Variants in TNFRSF14 observed in about 807,000 individuals in gnomAD.
TNFRSF14 encodes TNF receptor superfamily member 14.
In TNFRSF14, 18 loss-of-function variants were observed where a neutral mutation model predicts 34.1. That is an observed-to-expected ratio of 0.53 (90% CI 0.36 to 0.78). The LOEUF is 0.78. Among genes scored for constraint, TNFRSF14 ranks in the 30% least tolerant of loss-of-function variants. TNFRSF14 has a pLI of 0.00. For missense variants in TNFRSF14, 352 were observed against 379.5 expected, an observed-to-expected ratio of 0.93 and a Z score of 0.60; for synonymous variants, 157 against 153.2, an observed-to-expected ratio of 1.02 and a Z score of -0.18.
chr1:2,559,506 G>A, intron 3 of TNFRSF14: 1 of 1,478,800 alleles, frequency 6.8e-7, no homozygotes, highest in Non-Finnish European at 9.0e-7. Flanking sequence ...CTGCCTGCGG[G>A]ACCCTGCCCT....
rs1644315335 is a variant in TNFRSF14, at chr1:2,561,882, C to T, written c.694+67C>T. 5 of 1,530,730 alleles carry T rather than the reference C, an allele frequency of 3.3e-6. No homozygotes were observed. The African/African-American group carries it at 4.1e-5, about 13-fold the overall frequency. 94.8% of individuals were successfully genotyped at this position (1,530,730 alleles called of 1,614,324 possible). ...GTCACCTCTTGGAGCTCTGTCACCC[C>T]AAGCCTGGGAGGTGGCCCCAGAGCT... is the stretch of plus-strand genomic sequence containing the variant. On this transcript the variant is annotated intron_variant, in intron 6 of 7. Transcript: ENST00000355716. The surrounding 1 kb of genome is among the most constrained non-coding windows in gnomAD (Gnocchi z 6.0).
intron 3 of TNFRSF14, 35 bp downstream of exon 3, chr1:2,558,503 T>C (rs748399196): frequency 6.9e-5 from 111 of 1,610,614 alleles, no homozygotes; most frequent in Non-Finnish European, 8.5e-5. Context: ...AGCCTCCGCT[T>C]GGGCAGCCTG....
At position 2,563,601 on chromosome 1, in the gene TNFRSF14, C is replaced by A. The variant is rs1644344140; in HGVS notation, c.*328C>A. On this transcript the variant is annotated 3_prime_UTR_variant, in exon 8 of 8. Coordinates refer to ENST00000355716, the MANE Select transcript of TNFRSF14 (RefSeq NM_003820.4). ...GGCCAGCCCAGAGGGCCCTTCAGAC[C>A]CCAGCTGTCTGCGCGTCTGACTCTT... 2 of 345,080 alleles carry A rather than the reference C, an allele frequency of 5.8e-6. No individual in the cohort carries two copies. The highest frequency in any genetic ancestry group is 4.5e-5 in the East Asian group (1 of 22,302). The allele number at this position is 345,080 out of a possible 1,614,324, so 21.4% of individuals were successfully genotyped here.
chr1:2,558,891 C>A (rs769455029), intron 3 of TNFRSF14: 2 of 1,343,892 alleles, frequency 1.5e-6, no homozygotes, highest in African/African-American at 2.9e-5. Flanking sequence ...ATATTGGTTC[C>A]CCCTGTGACC....
chr1:2,560,813 A>C (rs1414950335), intron 5 of TNFRSF14, 99 bp downstream of exon 5: 6 of 1,141,172 alleles, frequency 5.3e-6, no homozygotes, highest in Non-Finnish European at 7.7e-6. Context: ...AAAGGCTTGA[A>C]GGTCCCACCC....
Position 2,557,823 on chromosome 1 carries a change from A to T in TNFRSF14, c.167A>T (p.Lys56Met). Residue 56 changes from lysine to methionine, a missense_variant, in exon 2 of 8, where the codon AAG becomes ATG. Lys to Met is a moderately conservative substitution (Grantham distance 95). Transcript: ENST00000355716. ...EYPVGSECCP[K>M]CSPGYRVKEA... ...CCAGTGGGCTCCGAGTGCTGCCCCAAGTGCAGTCCAGGTAGGTGCAGCCCT... is the reference window on the plus strand; with the variant it reads ...CCAGTGGGCTCCGAGTGCTGCCCCATGTGCAGTCCAGGTAGGTGCAGCCCT... The T allele has an allele frequency of 6.2e-7, 1 of 1,609,316 alleles. No individual in the cohort carries two copies.
At chr1:2,557,069 C>A in intron 1 of TNFRSF14, 1 of 347,758 alleles carries the variant, frequency 2.9e-6, no homozygotes, top group Non-Finnish European at 5.3e-6. Flanking sequence ...GGGCGGGGCC[C>A]TCGAGCAGGT....
intron 6 of TNFRSF14, chr1:2,562,180 T>C: frequency 2.9e-6 from 1 of 345,374 alleles, no homozygotes; most frequent in Non-Finnish European, 5.3e-6. Context: ...GGGACAAGGC[T>C]TTGTCCTCAT....
At chr1:2,557,312 G>C (rs576313879) in intron 1 of TNFRSF14, among the ~76,000 whole-genome samples, 15 of 152,220 alleles carry the variant, frequency 9.9e-5, no homozygotes, top group Non-Finnish European at 1.8e-4. Flanking sequence ...GTCACCCACT[G>C]TCTGGCTTGT....
chr1:2,558,316 G>A (rs1490325847), intron 2 of TNFRSF14, 27 bp from the exon 3 acceptor site: 1 of 1,587,496 alleles, frequency 6.3e-7, no homozygotes, highest in Non-Finnish European at 8.6e-7. Flanking sequence ...CCGCAGACTT[G>A]CGAAGTTCCC....
At position 2,560,725 on chromosome 1, in the gene TNFRSF14, C is replaced by G. The variant is rs775267819; in HGVS notation, c.551+11C>G. 1 of 1,612,274 alleles carries G rather than the reference C, an allele frequency of 6.2e-7. No individual in the cohort carries two copies. Among genetic ancestry groups the G allele is most frequent in the South Asian group, 1.1e-5 (1 of 91,024 alleles). ...TCAGCACCAGACCAAGTAAGTGAAC[C>G]CGGGGGAGGCCCAGCTCTGTGCCCT... On this transcript the variant is annotated intron_variant, in intron 5 of 7. Coordinates refer to ENST00000355716, the MANE Select transcript of TNFRSF14 (RefSeq NM_003820.4).
Position 2,563,614 on chromosome 1 carries a change from G to A in TNFRSF14, c.*341G>A, listed in dbSNP as rs1001572154. ...GGCCCTTCAGACCCCAGCTGTCTGCGCGTCTGACTCTTGTGGCCTCAGCAG... is the reference window on the plus strand; with the variant it reads ...GGCCCTTCAGACCCCAGCTGTCTGCACGTCTGACTCTTGTGGCCTCAGCAG... On this transcript the variant is annotated 3_prime_UTR_variant, in exon 8 of 8. Transcript: ENST00000355716. 2.2e-5 allele frequency: 7 copies of A among 322,426 alleles called. No individual in the cohort carries two copies. Among genetic ancestry groups the A allele is most frequent in the Non-Finnish European group, 1.7e-5 (3 of 173,748 alleles). The allele number at this position is 322,426 out of a possible 1,614,324, so 20.0% of individuals were successfully genotyped here.
rs371087831 is a variant in TNFRSF14, at chr1:2,563,206, C to A, written c.785C>A (p.Pro262Gln). ...ATVIEALQAP[P>Q]DVTTVAVEET... Reference sequence around the variant, plus strand: ...GTCATTGAGGCCCTGCAGGCCCCTCCGGACGTCACCACGGTGGCCGTGGAG... The same window carrying A: ...GTCATTGAGGCCCTGCAGGCCCCTCAGGACGTCACCACGGTGGCCGTGGAG... Residue 262 changes from proline (P) to glutamine (Q), a missense_variant, in exon 8 of 8, where the codon CCG (proline) becomes CAG (glutamine). Coordinates refer to ENST00000355716, the MANE Select transcript of TNFRSF14 (RefSeq NM_003820.4). 3 of 1,613,494 alleles carry A rather than the reference C, an allele frequency of 1.9e-6. No homozygotes were observed. In the South Asian group the frequency reaches 3.3e-5, roughly 18 times the overall value.
chr1:2,559,151 A>C, intron 3 of TNFRSF14: 3 of 1,363,388 alleles, frequency 2.2e-6, no homozygotes, highest in Non-Finnish European at 2.9e-6. Flanking sequence ...AGGGAGGCAC[A>C]GGGCAGGTGG....
chr1:2,560,020 G>C (rs1644285023), intron 4 of TNFRSF14, 42 bp downstream of exon 4: 1 of 1,488,888 alleles, frequency 6.7e-7, no homozygotes, highest in Non-Finnish European at 9.0e-7. Flanking sequence ...TTCCACCCTG[G>C]TCCCCAGTGC....
chr1:2,558,268 C>A, intron 2 of TNFRSF14, 75 bp from the exon 3 acceptor site: 2 of 1,529,306 alleles, frequency 1.3e-6, no homozygotes, highest in Admixed American at 2.1e-5. Context: ...GGGCTCTGGG[C>A]GCGGGTGGAG....
chr1:2,554,481 C>T (rs1380001315), upstream of TNFRSF14, among the ~76,000 whole-genome samples: 1 of 151,976 alleles, frequency 6.6e-6, no homozygotes, highest in Non-Finnish European at 1.5e-5. The surrounding 1 kb of genome is among the most constrained non-coding windows in gnomAD (Gnocchi z 4.2). Context: ...CGGGCGGATA[C>T]GGGGAGCAGG....
rs755827042 is a variant in TNFRSF14, at chr1:2,559,896, C to T, written c.378C>T (p.Phe126=). The change falls in exon 4 of 8, where the codon TTC becomes TTT. Residue 126 remains phenylalanine, a synonymous_variant. Coordinates refer to ENST00000355716, the MANE Select transcript of TNFRSF14 (RefSeq NM_003820.4). ...TGTGTGGCTGCAGCCCAGGCCACTT[C>T]TGCATCGTCCAGGACGGGGACCACT... ...NAVCGCSPGH[F]CIVQDGDHCA... 4 of 1,604,426 alleles carry T rather than the reference C, an allele frequency of 2.5e-6. No homozygotes were observed. Among genetic ancestry groups the T allele is most frequent in the Non-Finnish European group, 3.4e-6 (4 of 1,176,246 alleles).
chr1:2,555,670 G>A (rs1644201935), upstream of TNFRSF14: 1 of 152,496 alleles, frequency 6.6e-6, no homozygotes, highest in Non-Finnish European at 1.5e-5. This position sits in a 1 kb window ranked among gnomAD's most constrained non-coding sequence, Gnocchi z 6.3. Context: ...CACAGGCGGT[G>A]CGTGACAGAC....
Sources: gnomAD v4.1 joint callset for allele counts (sites outside exome capture counted in the v4.1 genomes callset) on GRCh38, gnomAD v4.1.1 for gene constraint, Gnocchi (gnomAD v3.1) non-coding constraint, MANE v1.5 for transcripts, NCBI Gene and HGNC (gene_info 2026-07-23, HGNC 2026-07-21) for gene names.